Variants in FRMD4B observed in about 807,000 individuals in gnomAD.
FRMD4B encodes the protein FERM domain-containing protein 4B.
A neutral mutation model predicts 141.5 loss-of-function variants in FRMD4B; 74 were observed. The ratio of observed to expected loss-of-function variants is 0.52; its 90% CI spans 0.43 to 0.63. The LOEUF is 0.63. FRMD4B is among the 30% of genes least tolerant of loss of function. The probability of loss-of-function intolerance (pLI) is 0.00; values close to 1 mark genes in which losing one functional copy is unlikely to be tolerated. For missense variants in FRMD4B, 1,366 were observed against 1,253.4 expected, an observed-to-expected ratio of 1.09 and a Z score of -1.36; for synonymous variants, 506 against 467.9, an observed-to-expected ratio of 1.08 and a Z score of -1.05.
chr3:69,363,905 A>T (rs1703555025), intron 1 of FRMD4B, among the ~76,000 whole-genome samples: 1 of 152,148 alleles, frequency 6.6e-6, no homozygotes, highest in South Asian at 2.1e-4. Flanking sequence ...CAATTTGGTG[A>T]TCACCTCCAG....
chr3:69,296,816 T>A (rs1701049617), intron 4 of FRMD4B, among the ~76,000 whole-genome samples: 1 of 152,192 alleles, frequency 6.6e-6, no homozygotes, highest in African/African-American at 2.4e-5. Context: ...TTATCGCTTT[T>A]CACAACTGCA....
chr3:69,438,832 GAA>G (rs1429617168), intron 1 of FRMD4B, among the ~76,000 whole-genome samples: 1 of 152,044 alleles, frequency 6.6e-6, no homozygotes, highest in Non-Finnish European at 1.5e-5. Flanking sequence ...GTAAAATATG[GAA>G]ATATACAGAA....
chr3:69,259,673 A>C (rs1305055708), intron 5 of FRMD4B, among the ~76,000 whole-genome samples: 1 of 152,206 alleles, frequency 6.6e-6, no homozygotes, highest in African/African-American at 2.4e-5. Flanking sequence ...TAAGTGCTTT[A>C]ATTTTCCATA....
chr3:69,488,574 A>C (rs529747617), intron 1 of FRMD4B, among the ~76,000 whole-genome samples: 2 of 152,296 alleles, frequency 1.3e-5, no homozygotes, highest in East Asian at 3.9e-4. Context: ...TATCATATAG[A>C]AAATACAACT....
At chr3:69,323,317 A>G (rs144108241) in intron 1 of FRMD4B, among the ~76,000 whole-genome samples, 6,318 of 152,148 alleles carry the variant, frequency 0.042, 457 homozygotes, top group African/African-American at 0.14. Context: ...CTGTAATCCC[A>G]GCACTTTGGG....
At chr3:69,264,795 A>G (rs115323712) in intron 5 of FRMD4B, among the ~76,000 whole-genome samples, 1,641 of 152,290 alleles carry the variant, frequency 0.011, 24 homozygotes, top group Non-Finnish European at 0.013. Context: ...AAATACAGGT[A>G]TTTTTGTGGG....
At chr3:69,280,930 C>T (rs2093641847) in intron 5 of FRMD4B, among the ~76,000 whole-genome samples, 1 of 151,568 alleles carries the variant, frequency 6.6e-6, no homozygotes, top group Non-Finnish European at 1.5e-5. Flanking sequence ...AAATTTTCTT[C>T]TTCTTCTTTT....
chr3:69,463,633 T>C (rs1279911865), intron 1 of FRMD4B, among the ~76,000 whole-genome samples: 1 of 152,198 alleles, frequency 6.6e-6, no homozygotes, highest in Non-Finnish European at 1.5e-5. Flanking sequence ...GATGACACAA[T>C]GTAATAGAGG....
At chr3:69,495,077 AG>A (rs780251067) in intron 1 of FRMD4B, among the ~76,000 whole-genome samples, 19 of 152,198 alleles carry the variant, frequency 1.2e-4, no homozygotes, top group South Asian at 6.2e-4. Context: ...AGTGGTTGCA[AG>A]GTATAGACTT....
At chr3:69,528,256 C>CCCTTCCTT (rs1171629705) in intron 1 of FRMD4B, among the ~76,000 whole-genome samples, 4 of 150,584 alleles carry the variant, frequency 2.7e-5, no homozygotes, top group Non-Finnish European at 5.9e-5. Context: ...CTCCCTCCCT[C>CCCTTCCTT]CCTTCCTTCC....
chr3:69,235,108 C>A (rs2093335924), intron 7 of FRMD4B, among the ~76,000 whole-genome samples: 1 of 150,446 alleles, frequency 6.6e-6, no homozygotes, highest in Non-Finnish European at 1.5e-5. Flanking sequence ...CAATCTCATG[C>A]CACTGCACTC....
intron 1 of FRMD4B, among the ~76,000 whole-genome samples, chr3:69,540,636 A>AATATATATATAT (rs1553652110): frequency 4.3e-5 from 3 of 69,536 alleles, no homozygotes; most frequent in East Asian, 4.1e-4. Context: ...AAAAAAAAAA[A>AATATATATATAT]ATATATATAT....
chr3:69,512,926 A>C (rs1706712283), intron 1 of FRMD4B, among the ~76,000 whole-genome samples: 1 of 152,214 alleles, frequency 6.6e-6, no homozygotes, highest in African/African-American at 2.4e-5. Context: ...TCATAAGAGG[A>C]GAGTTTGTAG....
chr3:69,496,976 A>G (rs112701549), intron 1 of FRMD4B, among the ~76,000 whole-genome samples: 162 of 151,946 alleles, frequency 1.1e-3, no homozygotes, highest in Non-Finnish European at 1.7e-3. Context: ...TGTGACTGGC[A>G]TTGCCTACGC....
At chr3:69,414,519 G>A (rs2106789947) in intron 2 of FRMD4B, among the ~76,000 whole-genome samples, 1 of 152,348 alleles carries the variant, frequency 6.6e-6, no homozygotes, top group East Asian at 1.9e-4. Context: ...TTGTGGTCCA[G>A]GGGCAGAAAA....
chr3:69,448,868 AT>A (rs1038096823), intron 1 of FRMD4B, among the ~76,000 whole-genome samples: 1 of 152,152 alleles, frequency 6.6e-6, no homozygotes. Context: ...TATTCCTTGA[AT>A]TTTTTTAGTA....
intron 1 of FRMD4B, among the ~76,000 whole-genome samples, chr3:69,383,739 T>A (rs968269358): frequency 6.6e-6 from 1 of 151,972 alleles, no homozygotes; most frequent in Non-Finnish European, 1.5e-5. Flanking sequence ...TTTAAATTTT[T>A]TGTAGAGATG....
chr3:69,441,563 T>C (rs576895082), intron 1 of FRMD4B, among the ~76,000 whole-genome samples: 1 of 152,324 alleles, frequency 6.6e-6, no homozygotes, highest in South Asian at 2.1e-4. Flanking sequence ...TTCTTTGAAC[T>C]CTTTATTGGT....
chr3:69,507,624 G>A (rs2107086764), intron 1 of FRMD4B, among the ~76,000 whole-genome samples: 1 of 152,210 alleles, frequency 6.6e-6, no homozygotes, highest in South Asian at 2.1e-4. Flanking sequence ...AGTGCTGTAG[G>A]GGGTACCCTT....
Sources: gnomAD v4.1 joint callset for allele counts (sites outside exome capture counted in the v4.1 genomes callset) on GRCh38, gnomAD v4.1.1 for gene constraint, MANE v1.5 for transcripts, NCBI Gene and HGNC (gene_info 2026-07-23, HGNC 2026-07-21) for gene names.